Variants in PAK5 observed in about 807,000 individuals in gnomAD.
PAK5 encodes the protein p21 (RAC1) activated kinase 5, also known as serine/threonine-protein kinase PAK 5.
Under a neutral mutation model 65.9 loss-of-function variants are expected in PAK5, and 16 were observed. The ratio of observed to expected loss-of-function variants is 0.24; its 90% CI spans 0.16 to 0.37. The LOEUF is 0.37. PAK5 is among the 10% of genes least tolerant of loss of function. The pLI, the probability that PAK5 is intolerant of heterozygous loss-of-function variation, is 1.00. For synonymous variants in PAK5, 371 were observed against 354.9 expected, an observed-to-expected ratio of 1.05 and a Z score of -0.51; for missense variants, 785 against 903.9, an observed-to-expected ratio of 0.87 and a Z score of 1.69.
At chr20:9,684,389 G>C (rs1379908424) in intron 2 of PAK5, among the ~76,000 whole-genome samples, 1 of 152,222 alleles carries the variant, frequency 6.6e-6, no homozygotes, top group African/African-American at 2.4e-5. Context: ...TTGTTATAGT[G>C]ATGTGCCTGC....
chr20:9,686,901 T>C (rs73067754), intron 2 of PAK5, among the ~76,000 whole-genome samples: 2,450 of 152,268 alleles, frequency 0.016, 33 homozygotes, highest in Middle Eastern at 0.048. Context: ...AGATGTAATA[T>C]GTGAAAGAGA....
intron 7 of PAK5, among the ~76,000 whole-genome samples, chr20:9,550,440 A>G (rs1224350121): frequency 1.3e-5 from 2 of 152,118 alleles, no homozygotes; most frequent in Admixed American, 1.3e-4. Flanking sequence ...CTTCACCCTG[A>G]GGTCCCACGA....
chr20:9,829,858 A>G (rs1300826473), intron 1 of PAK5, among the ~76,000 whole-genome samples: 3 of 152,244 alleles, frequency 2.0e-5, no homozygotes, highest in Non-Finnish European at 4.4e-5. Flanking sequence ...ATTCCAGAAC[A>G]TAGCAAAGCA....
intron 2 of PAK5, among the ~76,000 whole-genome samples, chr20:9,687,994 T>G (rs1280661377): frequency 6.6e-6 from 1 of 151,558 alleles, no homozygotes; most frequent in East Asian, 1.9e-4. Context: ...GGCTCTGAGA[T>G]GTGGGGAAAG....
intron 1 of PAK5, among the ~76,000 whole-genome samples, chr20:9,829,690 C>T (rs1978554058): frequency 6.6e-6 from 1 of 152,082 alleles, no homozygotes. Flanking sequence ...ATTTGAGAGA[C>T]AAGAGTACAA....
intron 1 of PAK5, among the ~76,000 whole-genome samples, chr20:9,767,710 C>G (rs2048785194): frequency 2.0e-5 from 3 of 152,186 alleles, no homozygotes; most frequent in Admixed American, 2.0e-4. Context: ...CCTCCCTCTG[C>G]TTCTTGCTGC....
chr20:9,538,278 T>A lies in PAK5; in HGVS notation c.*1184A>T, dbSNP rs2045201875. The A allele has an allele frequency of 4.3e-6, 1 of 233,606 alleles. No homozygotes were observed. Among genetic ancestry groups the A allele is most frequent in the Non-Finnish European group, 8.5e-6 (1 of 118,052 alleles). 14.5% of individuals were successfully genotyped at this position (233,606 alleles called of 1,614,324 possible). On this transcript the variant is annotated 3_prime_UTR_variant, in exon 10 of 10. Transcript: ENST00000353224. ...ACAACTGAAGTCAGATCATACCTGG[T>A]AAAATACCCTCTTGCTAATTCATCC...
At chr20:9,661,569 C>T (rs2047347514) in intron 2 of PAK5, among the ~76,000 whole-genome samples, 1 of 152,084 alleles carries the variant, frequency 6.6e-6, no homozygotes, top group Non-Finnish European at 1.5e-5. Flanking sequence ...TATTTATTCC[C>T]CTTTCTATCA....
chr20:9,666,259 G>A (rs1272740461), intron 2 of PAK5, among the ~76,000 whole-genome samples: 1 of 151,974 alleles, frequency 6.6e-6, no homozygotes, highest in African/African-American at 2.4e-5. Context: ...GCCATTTACT[G>A]TATTGAAACA....
intron 3 of PAK5, among the ~76,000 whole-genome samples, chr20:9,607,018 G>C (rs1047876468): frequency 6.6e-6 from 1 of 152,150 alleles, no homozygotes; most frequent in African/African-American, 2.4e-5. Context: ...AAGATCTTTT[G>C]CTGATTTATG....
chr20:9,809,823 C>T (rs1364531592), intron 1 of PAK5, among the ~76,000 whole-genome samples: 2 of 152,118 alleles, frequency 1.3e-5, no homozygotes, highest in Non-Finnish European at 2.9e-5. Context: ...AACCACTCTT[C>T]GGAGAATACT....
intron 7 of PAK5, among the ~76,000 whole-genome samples, chr20:9,549,067 G>A (rs1170164617): frequency 2.0e-5 from 3 of 152,218 alleles, no homozygotes; most frequent in Non-Finnish European, 2.9e-5. Flanking sequence ...GTTGTGATAC[G>A]TGGTCCATAA....
chr20:9,824,357 C>T (rs1343312337), intron 1 of PAK5, among the ~76,000 whole-genome samples: 1 of 152,100 alleles, frequency 6.6e-6, no homozygotes, highest in African/African-American at 2.4e-5. Context: ...AGTTCAAGAC[C>T]AGCCTGGGCA....
At chr20:9,679,891 T>C (rs1315331950) in intron 2 of PAK5, among the ~76,000 whole-genome samples, 4 of 152,230 alleles carry the variant, frequency 2.6e-5, no homozygotes, top group Admixed American at 2.0e-4. Flanking sequence ...TCATCAGCCT[T>C]GCTTTTCTTC....
In PAK5 at chr20:9,699,966, T is replaced by A. The variant is rs73895948; in HGVS notation, c.-12+11320A>T. 1.2e-3 allele frequency among the ~76,000 whole-genome samples: 184 copies of A among 152,328 alleles called. 1 individual carries two copies. Among genetic ancestry groups the A allele is most frequent in the African/African-American group, 4.3e-3 (178 of 41,576 alleles). On this transcript the variant is annotated intron_variant, in intron 2 of 9. Coordinates refer to ENST00000353224, the MANE Select transcript of PAK5 (RefSeq NM_177990.4). ...GCAAAAGGAGACAGTTAACTCAGCA[T>A]ATCAAACTAGTTTTTTGAGTTCTAA...
chr20:9,613,176 G>C (rs751644944), intron 3 of PAK5, among the ~76,000 whole-genome samples: 1 of 152,202 alleles, frequency 6.6e-6, no homozygotes, highest in Non-Finnish European at 1.5e-5. Context: ...CCAGTGACAC[G>C]TAGGAAGCTT....
chr20:9,641,597 C>T (rs2123265176), intron 3 of PAK5, among the ~76,000 whole-genome samples: 1 of 152,136 alleles, frequency 6.6e-6, no homozygotes, highest in South Asian at 2.1e-4. Context: ...TCACATTCCT[C>T]AGCCCTTGGG....
Position 9,647,815 on chromosome 20 carries a change from A to G in PAK5, c.-11-3476T>C, listed in dbSNP as rs2123287270. 1.3e-5 allele frequency among the ~76,000 whole-genome samples: 2 copies of G among 152,312 alleles called. 1 individual carries two copies. On this transcript the variant is annotated intron_variant, in intron 2 of 9. Transcript: ENST00000353224. ...TAAATCCTGAAGCAATATTCCTGGG[A>G]AGTTCACAGGTGCAGAGACAAAATC...
At chr20:9,647,693 A>C (rs1216981939) in intron 2 of PAK5, among the ~76,000 whole-genome samples, 1 of 152,234 alleles carries the variant, frequency 6.6e-6, no homozygotes, top group Non-Finnish European at 1.5e-5. Flanking sequence ...CAGCACAACT[A>C]TAATTTTAAT....
Sources: allele counts gnomAD v4.1 joint callset (sites outside exome capture counted in the v4.1 genomes callset), GRCh38; gene constraint gnomAD v4.1.1; transcripts MANE v1.5; gene names NCBI Gene and HGNC (gene_info 2026-07-23, HGNC 2026-07-21).